The following ATRNL1 variants were observed in gnomAD, a reference collection of about 807,000 sequenced individuals.
ATRNL1 encodes attractin like 1, also known as attractin-like protein 1.
Under a neutral mutation model 182.7 loss-of-function variants are expected in ATRNL1, and 95 were observed. The ratio of observed to expected loss-of-function variants is 0.52; its 90% CI spans 0.44 to 0.62. The LOEUF (loss-of-function observed/expected upper bound fraction) is 0.62. ATRNL1 is among the 20% of genes least tolerant of loss of function. The pLI is 0.00. For missense variants in ATRNL1, 1,471 were observed against 1,679.5 expected (o/e 0.88, Z 2.17); for synonymous variants, 576 against 568.3 (o/e 1.01, Z -0.19).
intron 26 of ATRNL1, among the ~76,000 whole-genome samples, chr10:115,563,788 A>G (rs1853909125): frequency 1.3e-5 from 2 of 152,114 alleles, no homozygotes; most frequent in African/African-American, 2.4e-5. Context: ...ATTCAACCAC[A>G]TTGTAAGGAA....
chr10:115,859,029 C>T (rs1555102828), intron 28 of ATRNL1, among the ~76,000 whole-genome samples: 1 of 151,826 alleles, frequency 6.6e-6, no homozygotes, highest in African/African-American at 2.4e-5. Context: ...CAGATGATCA[C>T]CTATAGCTGT....
At chr10:115,523,600 C>T (rs73373336) in intron 25 of ATRNL1, among the ~76,000 whole-genome samples, 4,197 of 152,276 alleles carry the variant, frequency 0.028, 223 homozygotes, top group African/African-American at 0.097. Context: ...CACTTTGCTG[C>T]TTGTCATGGA....
intron 26 of ATRNL1, among the ~76,000 whole-genome samples, chr10:115,550,617 G>A (rs12782477): frequency 0.16 from 24,806 of 151,716 alleles, 2,553 homozygotes; most frequent in South Asian, 0.24. Flanking sequence ...GCATCAGTGA[G>A]GGTTTACTTG....
chr10:115,724,378 T>C (rs1236988178), intron 26 of ATRNL1, among the ~76,000 whole-genome samples: 3 of 152,038 alleles, frequency 2.0e-5, no homozygotes, highest in Admixed American at 6.6e-5. Context: ...CTGAAGAAAA[T>C]GGGCCTGTGG....
intron 28 of ATRNL1, among the ~76,000 whole-genome samples, chr10:115,907,317 G>A (rs946852882): frequency 3.9e-5 from 6 of 152,180 alleles, no homozygotes; most frequent in Admixed American, 2.6e-4. Flanking sequence ...AGTTTCTATG[G>A]TAACCTTAAC....
chr10:115,719,781 T>C (rs1448848507), intron 26 of ATRNL1, among the ~76,000 whole-genome samples: 2 of 152,046 alleles, frequency 1.3e-5, no homozygotes, highest in Non-Finnish European at 2.9e-5. Context: ...TTAACAACTT[T>C]GTGATATGCT....
intron 18 of ATRNL1, among the ~76,000 whole-genome samples, chr10:115,330,269 T>C (rs1334831873): frequency 6.6e-6 from 1 of 152,202 alleles, no homozygotes; most frequent in Non-Finnish European, 1.5e-5. Context: ...TTTTATTTGC[T>C]TTGTTTTTTA....
intron 8 of ATRNL1, among the ~76,000 whole-genome samples, chr10:115,196,932 C>G (rs1190962150): frequency 6.6e-6 from 1 of 152,100 alleles, no homozygotes; most frequent in Non-Finnish European, 1.5e-5. Context: ...CATTAGTACA[C>G]TACTGAGTAG....
chr10:115,341,077 T>C (rs1255152107), intron 19 of ATRNL1, among the ~76,000 whole-genome samples: 6 of 152,054 alleles, frequency 3.9e-5, no homozygotes, highest in Admixed American at 3.9e-4. Context: ...TTGGTTTTGG[T>C]TTGCTCTTCC....
rs1950920938 is a variant in ATRNL1, at chr10:115,846,073, T to A, written c.3904-1804T>A. 2.0e-5 allele frequency among the ~76,000 whole-genome samples: 3 copies of A among 152,186 alleles called. No homozygotes were observed. The South Asian group carries it at 6.2e-4, about 32-fold the overall frequency. ...ACTTATGCTGATTTTTACTTAACAT[T>A]TTCAAAAATAAGTCTGTTAAATTAA... On this transcript the variant is annotated intron_variant, in intron 27 of 28. Transcript: ENST00000355044.
intron 26 of ATRNL1, among the ~76,000 whole-genome samples, chr10:115,674,366 T>C (rs1945794626): frequency 6.6e-6 from 1 of 152,104 alleles, no homozygotes; most frequent in African/African-American, 2.4e-5. Flanking sequence ...CCAACCTCTG[T>C]TAGACATCAT....
chr10:115,613,921 TCTAA>T (rs1224349875), intron 26 of ATRNL1, among the ~76,000 whole-genome samples: 63 of 152,198 alleles, frequency 4.1e-4, no homozygotes, highest in African/African-American at 7.0e-4. Context: ...TTTTTCTTAC[TCTAA>T]CTAATAATTT....
chr10:115,858,937 C>T (rs539036411), intron 28 of ATRNL1, among the ~76,000 whole-genome samples: 88 of 152,116 alleles, frequency 5.8e-4, no homozygotes, highest in African/African-American at 1.9e-3. Flanking sequence ...ACATTTGTTT[C>T]TCACAGTTCT....
At chr10:115,580,805 C>G (rs992378910) in intron 26 of ATRNL1, among the ~76,000 whole-genome samples, 2 of 151,762 alleles carry the variant, frequency 1.3e-5, no homozygotes, top group Admixed American at 6.6e-5. Flanking sequence ...TTCTAATGAC[C>G]TGTCTTCAGT....
chr10:115,777,584 T>C (rs1440346808), intron 27 of ATRNL1, among the ~76,000 whole-genome samples: 4 of 152,160 alleles, frequency 2.6e-5, no homozygotes, highest in African/African-American at 9.7e-5. Context: ...TTTTACTAAA[T>C]TTAAATTTAA....
intron 21 of ATRNL1, among the ~76,000 whole-genome samples, chr10:115,434,468 A>G (rs1327520912): frequency 6.6e-6 from 1 of 152,194 alleles, no homozygotes; most frequent in Admixed American, 6.5e-5. Context: ...GGAAATAGTA[A>G]AGGCAGGTTT....
intron 28 of ATRNL1, among the ~76,000 whole-genome samples, chr10:115,926,735 C>T (rs1397977345): frequency 9.2e-5 from 14 of 151,982 alleles, no homozygotes; most frequent in African/African-American, 3.4e-4. Context: ...CTGAATAGAC[C>T]AATAACAAGT....
chr10:115,771,541 T>C (rs1209341612), intron 27 of ATRNL1, among the ~76,000 whole-genome samples: 1 of 152,234 alleles, frequency 6.6e-6, no homozygotes, highest in Non-Finnish European at 1.5e-5. Flanking sequence ...GAATTCTTAC[T>C]TCTTATCTGC....
chr10:115,628,303 C>T (rs1858243879), intron 26 of ATRNL1, among the ~76,000 whole-genome samples: 1 of 152,112 alleles, frequency 6.6e-6, no homozygotes, highest in Non-Finnish European at 1.5e-5. Flanking sequence ...GGGCGTATCT[C>T]ATTTTGGTTA....
Sources: allele counts gnomAD v4.1 joint callset (sites outside exome capture counted in the v4.1 genomes callset), GRCh38; gene constraint gnomAD v4.1.1; transcripts MANE v1.5; gene names NCBI Gene and HGNC (gene_info 2026-07-23, HGNC 2026-07-21).